Variants in CFAP251 observed in about 807,000 individuals in gnomAD.
CFAP251 encodes cilia and flagella associated protein 251, also known as cilia- and flagella-associated protein 251.
In CFAP251, 93 loss-of-function variants were observed where a neutral mutation model predicts 126.7. The ratio of observed to expected loss-of-function variants is 0.73; its 90% CI spans 0.62 to 0.87. The LOEUF (loss-of-function observed/expected upper bound fraction) is 0.87. CFAP251 is among the 40% of genes least tolerant of loss of function. CFAP251 has a pLI of 0.00. For missense variants in CFAP251, 1,287 were observed against 1,389.2 expected, an observed-to-expected ratio of 0.93 and a Z score of 1.17; for synonymous variants, 503 against 506.9, an observed-to-expected ratio of 0.99 and a Z score of 0.10.
intron 4 of CFAP251, 103 bp downstream of exon 4, chr12:121,931,989 AT>A: frequency 8.5e-7 from 1 of 1,173,630 alleles, no homozygotes. Flanking sequence ...TCACTGTCGT[AT>A]TTTCCCACTC....
chr12:121,935,323 T>C (rs949094063), intron 5 of CFAP251, among the ~76,000 whole-genome samples: 1 of 152,346 alleles, frequency 6.6e-6, no homozygotes, highest in Admixed American at 6.5e-5. Flanking sequence ...TACAGAAGAA[T>C]TGGGAAGATA....
In CFAP251 at chr12:121,948,986, C is replaced by T. The variant is rs1391154742; in HGVS notation, c.1194C>T (p.Asn398=). The change falls in exon 8 of 22, where the codon AAC becomes AAT. Residue 398 remains asparagine, a splice_region_variant and synonymous_variant. Transcript: ENST00000288912. ...LELPTEYGVQ[N]YVTFNPTNNK... is the part of the protein sequence containing the mutation. ...TATTTTCATACTTTATATTTCAGAA[C>T]TACGTTACTTTTAACCCAACAAATA... The T allele has an allele frequency of 6.4e-7, 1 of 1,552,506 alleles. No homozygotes were observed. Among genetic ancestry groups the T allele is most frequent in the Admixed American group, 1.9e-5 (1 of 53,824 alleles).
chr12:121,954,655 A>C (rs867317363), intron 10 of CFAP251, among the ~76,000 whole-genome samples: 3 of 149,500 alleles, frequency 2.0e-5, no homozygotes, highest in South Asian at 2.1e-4. Context: ...AAAAAAAAAA[A>C]AAAAAAAAAA....
chr12:121,931,063 A>G lies in CFAP251; in HGVS notation c.748-683A>G, dbSNP rs1592965565. 2.0e-5 allele frequency among the ~76,000 whole-genome samples: 3 copies of G among 151,900 alleles called. No homozygotes were observed. The South Asian group carries it at 6.2e-4, about 32-fold the overall frequency. ...GGCTCCCAGCCTATTTGCCTTTCTT[A>G]TAAAGTTACGTAATGACTTCATTGT... On this transcript the variant is annotated intron_variant, in intron 3 of 21. Coordinates refer to ENST00000288912, the MANE Select transcript of CFAP251 (RefSeq NM_144668.6).
chr12:121,999,661 C>T, intron 19 of CFAP251, 55 bp from the exon 20 acceptor site: 1 of 1,407,354 alleles, frequency 7.1e-7, no homozygotes, highest in Non-Finnish European at 9.8e-7. Context: ...AGAAATCTAT[C>T]CTGGTGCCTT....
chr12:121,938,276 G>T (rs1880969599), intron 5 of CFAP251, among the ~76,000 whole-genome samples: 1 of 151,542 alleles, frequency 6.6e-6, no homozygotes, highest in Admixed American at 6.6e-5. Context: ...CGAAGTACTG[G>T]GATTACAACT....
chr12:121,970,388 G>C (rs945330016), intron 17 of CFAP251, among the ~76,000 whole-genome samples: 1 of 152,090 alleles, frequency 6.6e-6, no homozygotes, highest in Non-Finnish European at 1.5e-5. Context: ...TCGAATCCTA[G>C]CTAATCACTA....
chr12:121,921,335 A>G lies in CFAP251; in HGVS notation c.30A>G (p.Glu10=). ...CAGATGCAGCAGAAGCTCCCCGAGA[A>G]GCAACAGGAGAAAATGGAGAAACAG... MSDAAEAPR[E]ATGENGETEM... Residue 10 remains glutamate (E), a synonymous_variant, in exon 2 of 22, where the codon GAA becomes GAG. Transcript: ENST00000288912. 2 of 1,600,726 alleles carry G rather than the reference A, an allele frequency of 1.2e-6. No homozygotes were observed. Among genetic ancestry groups the G allele is most frequent in the Non-Finnish European group, 1.7e-6 (2 of 1,176,442 alleles).
chr12:121,968,972 C>A (rs1256929464), intron 17 of CFAP251: 5 of 985,318 alleles, frequency 5.1e-6, no homozygotes, highest in African/African-American at 1.7e-5. Flanking sequence ...ATCCGGCATG[C>A]TGCCGCAGGG....
chr12:121,929,340 AAG>A (rs1434640208), intron 3 of CFAP251, among the ~76,000 whole-genome samples: 9 of 151,716 alleles, frequency 5.9e-5, no homozygotes, highest in East Asian at 1.9e-4. Flanking sequence ...AAAAAGAAAA[AAG>A]AAAAAAAAAT....
intron 10 of CFAP251, chr12:121,955,561 C>T (rs927941253): frequency 5.3e-5 from 8 of 152,108 alleles, no homozygotes; most frequent in Non-Finnish European, 7.3e-5. Flanking sequence ...TGGTGGCCAT[C>T]GTCAGTGTGT....
At position 121,961,643 on chromosome 12, in the gene CFAP251, T is replaced by G. The variant is rs568395294; in HGVS notation, c.2308-335T>G. 1.9e-3 allele frequency among the ~76,000 whole-genome samples: 285 copies of G among 152,360 alleles called. 2 individuals are homozygous for G. Among genetic ancestry groups the G allele is most frequent in the African/African-American group, 6.8e-3 (281 of 41,594 alleles). On this transcript the variant is annotated intron_variant, in intron 14 of 21. Transcript: ENST00000288912. ...TCTGCCACTTTTTAGCTATGTGACC[T>G]TGGACAAGCCACTCTGAACATCCTT...
At chr12:121,960,507 C>T (rs772645037) in intron 13 of CFAP251, 78 bp from the exon 14 acceptor site, 42 of 1,526,942 alleles carry the variant, frequency 2.8e-5, no homozygotes, top group Middle Eastern at 1.9e-4. Context: ...CGTGAGCCAC[C>T]GCGCCTGGCC....
intron 19 of CFAP251, among the ~76,000 whole-genome samples, chr12:121,995,449 A>G (rs763451349): frequency 2.6e-5 from 4 of 152,222 alleles, no homozygotes; most frequent in Non-Finnish European, 5.9e-5. Context: ...TCAATTATGT[A>G]TCAATTACAG....
intron 18 of CFAP251, 97 bp downstream of exon 18, chr12:121,975,431 T>A: frequency 6.4e-7 from 1 of 1,564,734 alleles, no homozygotes; most frequent in Non-Finnish European, 8.8e-7. Flanking sequence ...CAAAGCTTTG[T>A]TCCCCCATTC....
intron 10 of CFAP251, chr12:121,955,703 A>G (rs542105707): frequency 6.6e-6 from 1 of 152,328 alleles, no homozygotes; most frequent in East Asian, 1.9e-4. Flanking sequence ...ATGCAGGGGA[A>G]CAATGAGGTC....
chr12:121,966,114 T>A (rs1165232534), intron 15 of CFAP251, among the ~76,000 whole-genome samples: 1 of 145,862 alleles, frequency 6.9e-6, no homozygotes. Context: ...AAACCTATGT[T>A]GAGATTTATG....
chr12:121,921,343 G>A lies in CFAP251; in HGVS notation c.38G>A (p.Gly13Glu), dbSNP rs751071371. 15 of 1,606,010 alleles carry A rather than the reference G, an allele frequency of 9.3e-6. No homozygotes were observed. In the Admixed American group the frequency reaches 2.6e-4, roughly 28 times the overall value. ...GCAGAAGCTCCCCGAGAAGCAACAG[G>A]AGAAAATGGAGAAACAGAAATGAAA... ...DAAEAPREAT[G>E]ENGETEMKEE... is the part of the protein sequence containing the mutation. The change falls in exon 2 of 22, where the codon GGA becomes GAA. Residue 13 changes from glycine (G) to glutamate (E), a missense_variant. Gly to Glu is a moderately conservative substitution (Grantham distance 98). Coordinates refer to ENST00000288912, the MANE Select transcript of CFAP251 (RefSeq NM_144668.6).
At position 121,962,146 on chromosome 12, in the gene CFAP251, A is replaced by G. The variant is rs375846680; in HGVS notation, c.2476A>G (p.Thr826Ala). The change falls in exon 15 of 22, where the codon ACT becomes GCT. Residue 826 changes from threonine (T) to alanine (A), a missense_variant. Coordinates refer to ENST00000288912, the MANE Select transcript of CFAP251 (RefSeq NM_144668.6). Reference sequence around the variant, plus strand: ...CTACAAAGTGAAGCTTTTTAATGCTACTACCAAAATGTGCAGGTAAGCACC... The same window carrying G: ...CTACAAAGTGAAGCTTTTTAATGCTGCTACCAAAATGTGCAGGTAAGCACC... Reference protein sequence around the residue: ...SGYKVKLFNATTKMCRKTLLG... With the variant: ...SGYKVKLFNAATKMCRKTLLG... 3.0e-5 allele frequency: 49 copies of G among 1,613,344 alleles called. No homozygotes were observed. Among genetic ancestry groups the G allele is most frequent in the African/African-American group, 4.0e-5 (3 of 74,910 alleles).
Sources: gnomAD v4.1 joint callset for allele counts (sites outside exome capture counted in the v4.1 genomes callset) on GRCh38, gnomAD v4.1.1 for gene constraint, MANE v1.5 for transcripts, NCBI Gene and HGNC (gene_info 2026-07-23, HGNC 2026-07-21) for gene names.